Variants in MRPL10 observed in about 807,000 individuals in gnomAD.
MRPL10 encodes the protein large ribosomal subunit protein uL10m.
In MRPL10, 14 loss-of-function variants were observed where a neutral mutation model predicts 19.8. That is an observed-to-expected ratio of 0.71 (90% CI 0.47 to 1.11). MRPL10 has a LOEUF of 1.11. MRPL10 is among the 50% of genes least tolerant of loss of function. The pLI is 0.00. For missense variants in MRPL10, 318 were observed against 339.6 expected (o/e 0.94, Z 0.50); for synonymous variants, 129 against 139.2 (o/e 0.93, Z 0.52).
At position 47,827,976 on chromosome 17, in the gene MRPL10, A is replaced by AGG. The variant is rs572076419; in HGVS notation, c.222+523_222+524dup. 2.9e-3 allele frequency among the ~76,000 whole-genome samples: 433 copies of AGG among 149,848 alleles called. 1 individual carries two copies. The highest frequency in any genetic ancestry group is 5.5e-3 in the South Asian group (26 of 4,712). On this transcript the variant is annotated intron_variant, in intron 2 of 4. Transcript: ENST00000351111. The stretch of plus-strand genomic sequence containing the variant: ...TCCCAGCACTTTGGGAGGCCGAGGC[A>AGG]GGCAGATCACGAGGTCAGGAGATCA...
rs551772777 is a variant in MRPL10, at chr17:47,826,186, C to T, written c.532+451G>A. The stretch of plus-strand genomic sequence containing the variant: ...AAAAAAAATCAGATTCCTGTCCCGC[C>T]CCCTCCCTACAGAGACCTGTGAAAT... On this transcript the variant is annotated intron_variant, in intron 4 of 4. Transcript: ENST00000351111. 4.0e-5 allele frequency among the ~76,000 whole-genome samples: 6 copies of T among 151,780 alleles called. No individual in the cohort carries two copies. The South Asian group carries it at 1.3e-3, about 32-fold the overall frequency.
In MRPL10 at chr17:47,824,343, G is replaced by A; in HGVS notation, c.648C>T (p.Ala216=). ...GGTGCTGGAGCAGGGAGTGGGTCTG[G>A]GCTGTGAGGCAGGTGAGGCCTCCTA... ...ELVGGLTCLT[A]QTHSLLQHQP... is the part of the protein sequence containing the mutation. Residue 216 remains alanine, a synonymous_variant, in exon 5 of 5, where the codon GCC becomes GCT. Coordinates refer to ENST00000351111, the MANE Select transcript of MRPL10 (RefSeq NM_145255.4). The A allele has an allele frequency of 6.2e-7, 1 of 1,613,756 alleles. No individual in the cohort carries two copies. Among genetic ancestry groups the A allele is most frequent in the South Asian group, 1.1e-5 (1 of 91,068 alleles).
rs768189438 is a variant in MRPL10, at chr17:47,826,760, C to T, written c.409G>A (p.Asp137Asn). ...PNQVLKPFLE[D>N]SKYQNLLPLF... is the part of the protein sequence containing the mutation. Reference sequence around the variant, plus strand: ...GGCAGCAGATTTTGGTACTTGGAATCCTCCAGGAAGGGCTTCAGGACCTGG... The same window carrying T: ...GGCAGCAGATTTTGGTACTTGGAATTCTCCAGGAAGGGCTTCAGGACCTGG... The change falls in exon 4 of 5, where the codon GAT becomes AAT. Residue 137 changes from aspartate to asparagine, a missense_variant. Coordinates refer to ENST00000351111, the MANE Select transcript of MRPL10 (RefSeq NM_145255.4). 3 of 1,614,114 alleles carry T rather than the reference C, an allele frequency of 1.9e-6. No individual in the cohort carries two copies. The highest frequency in any genetic ancestry group is 2.2e-5 in the South Asian group (2 of 91,086).
At chr17:47,826,810 C>A (rs201651042) in intron 3 of MRPL10, 29 bp from the exon 4 acceptor site, 1 of 1,613,616 alleles carries the variant, frequency 6.2e-7, no homozygotes, top group South Asian at 1.1e-5. Context: ...AATGGCTTAT[C>A]GGGGACAAGT....
chr17:47,824,491 C>A (rs767943992), intron 4 of MRPL10, 33 bp from the exon 5 acceptor site: 4 of 1,506,968 alleles, frequency 2.7e-6, no homozygotes, highest in Admixed American at 2.3e-5. Context: ...AGGCTCCTTG[C>A]AGATTGCCTT....
At chr17:47,824,555 T>C in intron 4 of MRPL10, 97 bp from the exon 5 acceptor site, 1 of 1,421,774 alleles carries the variant, frequency 7.0e-7, no homozygotes, top group Non-Finnish European at 9.3e-7. Flanking sequence ...ATTGCCCTTC[T>C]CAAAATCCTG....
At chr17:47,831,378 G>A (rs548236106) in intron 1 of MRPL10, 82 bp downstream of exon 1, 2 of 1,543,726 alleles carry the variant, frequency 1.3e-6, no homozygotes, top group Non-Finnish European at 8.7e-7. Context: ...GAGATTATGG[G>A]AAGAATCAGT....
chr17:47,826,820 T>A (rs2033541496), intron 3 of MRPL10, 39 bp from the exon 4 acceptor site: 2 of 1,613,044 alleles, frequency 1.2e-6, no homozygotes, highest in Admixed American at 1.7e-5. Context: ...CGGGGACAAG[T>A]GGGAGGAAGA....
rs1041273713 is a variant in MRPL10 at position 47,826,891 on chromosome 17, C to T, written c.388-110G>A. 5 of 1,512,010 alleles carry T rather than the reference C, an allele frequency of 3.3e-6. No homozygotes were observed. The African/African-American group carries it at 5.5e-5, about 17-fold the overall frequency. 93.7% of individuals were successfully genotyped at this position (1,512,010 alleles called of 1,614,324 possible). On this transcript the variant is annotated intron_variant, in intron 3 of 4. Transcript: ENST00000351111. ...GGTGCAACCCAAGGGTCTTCTCAGC[C>T]CCTAATCATAGGTTAGACACCAGAT...
chr17:47,828,481 G>A lies in MRPL10; in HGVS notation c.222+20C>T, dbSNP rs758868586. The stretch of plus-strand genomic sequence containing the variant: ...CCACCATCCCACCACCAAGTGACAT[G>A]TACCCAAATTCCTCCTTACCTCCTG... On this transcript the variant is annotated intron_variant, in intron 2 of 4. Coordinates refer to ENST00000351111, the MANE Select transcript of MRPL10 (RefSeq NM_145255.4). The A allele has an allele frequency of 5.0e-6, 7 of 1,397,818 alleles. No homozygotes were observed. Among genetic ancestry groups the A allele is most frequent in the Non-Finnish European group, 6.6e-6 (7 of 1,068,182 alleles). The allele number at this position is 1,397,818 out of a possible 1,614,324, so 86.6% of individuals were successfully genotyped here. A position where few individuals can be genotyped will look rare whatever the true frequency, so the allele number is the denominator to read the frequency against.
At position 47,824,384 on chromosome 17, in the gene MRPL10, C is replaced by A; in HGVS notation, c.607G>T (p.Val203Leu). 6.2e-7 allele frequency: 1 copy of A among 1,607,786 alleles called. No homozygotes were observed. The highest frequency in any genetic ancestry group is 8.5e-7 in the Non-Finnish European group (1 of 1,175,772). The change falls in exon 5 of 5, where the codon GTG (valine) becomes TTG (leucine). Residue 203 changes from valine (V) to leucine (L), a missense_variant. Coordinates refer to ENST00000351111, the MANE Select transcript of MRPL10 (RefSeq NM_145255.4). ...NYSKLPSLPL[V>L]QGELVGGLTC... ...AGGCCTCCTACAAGCTCCCCCTGCACCAGGGGCAGGCTGGGGAGCTTGGAG... is the reference window on the plus strand; with the variant it reads ...AGGCCTCCTACAAGCTCCCCCTGCAACAGGGGCAGGCTGGGGAGCTTGGAG...
At chr17:47,828,744 C>T (rs987953075) in intron 1 of MRPL10, 74 bp from the exon 2 acceptor site, 3 of 1,253,670 alleles carry the variant, frequency 2.4e-6, no homozygotes, top group African/African-American at 1.6e-5. Context: ...GGAGAAAAAA[C>T]ACACCCTCTA....
At position 47,830,254 on chromosome 17, in the gene MRPL10, C is replaced by T. The variant is rs144743344; in HGVS notation, c.52+1206G>A. On this transcript the variant is annotated intron_variant, in intron 1 of 4. Transcript: ENST00000351111. ...ACAGATAATGCTACAGAGCACCCCA[C>T]AGAAAACAAGGGAGGCACTCAAAAG... Among the ~76,000 whole-genome samples the T allele has an allele frequency of 3.3e-5, 5 of 152,322 alleles. No individual in the cohort carries two copies. The South Asian group carries it at 6.2e-4, about 19-fold the overall frequency.
At chr17:47,830,419 A>G (rs2033609572) in intron 1 of MRPL10, among the ~76,000 whole-genome samples, 1 of 152,220 alleles carries the variant, frequency 6.6e-6, no homozygotes, top group African/African-American at 2.4e-5. Flanking sequence ...GAGAGTATGG[A>G]TATTTGCTGG....
intron 4 of MRPL10, among the ~76,000 whole-genome samples, chr17:47,825,366 C>T (rs541502327): frequency 4.6e-5 from 7 of 151,928 alleles, no homozygotes; most frequent in African/African-American, 9.7e-5. Context: ...CAGTGGAAAA[C>T]GCCTGTAATC....
intron 4 of MRPL10, among the ~76,000 whole-genome samples, chr17:47,825,641 G>A (rs1346243568): frequency 1.3e-5 from 2 of 152,194 alleles, no homozygotes; most frequent in Non-Finnish European, 2.9e-5. Flanking sequence ...ATGGAGGGAA[G>A]TAACGGGGAA....
intron 4 of MRPL10, among the ~76,000 whole-genome samples, chr17:47,825,014 CAAAAAAAAAAA>C (rs5820672): frequency 1.3e-5 from 1 of 75,598 alleles, no homozygotes; most frequent in African/African-American, 5.9e-5. Context: ...AACTTCGTCT[CAAAAAAAAAAA>C]AAAAAAAAAG....
Position 47,823,963 on chromosome 17 carries a change from A to C in MRPL10, c.*242T>G. 2 of 546,844 alleles carry C rather than the reference A, an allele frequency of 3.7e-6. No homozygotes were observed. The highest frequency in any genetic ancestry group is 3.2e-6 in the Non-Finnish European group (1 of 307,800). 33.9% of individuals were successfully genotyped at this position (546,844 alleles called of 1,614,324 possible). A position where few individuals can be genotyped will look rare whatever the true frequency, so the allele number is the denominator to read the frequency against. On this transcript the variant is annotated 3_prime_UTR_variant, in exon 5 of 5. Transcript: ENST00000351111. ...AGGATCTCTGCCTTGGACCTGGAGAATGGAGAGACTTTGCTCCTATCACGT... is the reference window on the plus strand; with the variant it reads ...AGGATCTCTGCCTTGGACCTGGAGACTGGAGAGACTTTGCTCCTATCACGT...
At chr17:47,826,856 T>C (rs1474734680) in intron 3 of MRPL10, 75 bp from the exon 4 acceptor site, 8 of 1,590,402 alleles carry the variant, frequency 5.0e-6, no homozygotes, top group African/African-American at 2.7e-5. Context: ...ATGGGCCACA[T>C]TAGGCTGAGG....
Sources: allele counts gnomAD v4.1 joint callset (sites outside exome capture counted in the v4.1 genomes callset), GRCh38; gene constraint gnomAD v4.1.1; transcripts MANE v1.5; gene names NCBI Gene and HGNC (gene_info 2026-07-23, HGNC 2026-07-21).